The following SEMA5A variants were observed in gnomAD, a reference collection of about 807,000 sequenced individuals.
SEMA5A encodes the protein semaphorin 5A.
Under a neutral mutation model 135.5 loss-of-function variants are expected in SEMA5A, and 55 were observed. The ratio of observed to expected loss-of-function variants is 0.41; its 90% CI spans 0.33 to 0.51. The LOEUF (loss-of-function observed/expected upper bound fraction) is 0.51. Ranked by LOEUF, SEMA5A falls within the 20% of genes least tolerant of loss-of-function variation. The probability of loss-of-function intolerance (pLI) is 0.37; values close to 1 mark genes in which losing one functional copy is unlikely to be tolerated. For missense variants in SEMA5A, 1,290 were observed against 1,419.9 expected (o/e 0.91, Z 1.47); for synonymous variants, 580 against 546.5 (o/e 1.06, Z -0.85).
intron 7 of SEMA5A, among the ~76,000 whole-genome samples, chr5:9,226,460 G>T (rs116818950): frequency 5.9e-5 from 9 of 152,072 alleles, no homozygotes; most frequent in Admixed American, 1.3e-4. Context: ...CCAATTTGTA[G>T]GCTAATTTTT....
intron 10 of SEMA5A, among the ~76,000 whole-genome samples, chr5:9,196,719 C>T (rs1052971954): frequency 6.6e-6 from 1 of 152,198 alleles, no homozygotes; most frequent in African/African-American, 2.4e-5. Flanking sequence ...GCCTGCATCA[C>T]ATTCTGTCCT....
intron 1 of SEMA5A, among the ~76,000 whole-genome samples, chr5:9,452,849 G>T (rs958748972): frequency 6.6e-6 from 1 of 152,126 alleles, no homozygotes; most frequent in Non-Finnish European, 1.5e-5. Flanking sequence ...GCCATCAGGA[G>T]GGCAGGCAAA....
intron 1 of SEMA5A, among the ~76,000 whole-genome samples, chr5:9,483,105 G>A (rs971806208): frequency 6.6e-5 from 10 of 152,112 alleles, no homozygotes; most frequent in African/African-American, 2.4e-4. Flanking sequence ...GAAATTTGCT[G>A]TTCATGGCAT....
intron 5 of SEMA5A, among the ~76,000 whole-genome samples, chr5:9,302,425 C>T (rs1751654517): frequency 6.6e-6 from 1 of 152,194 alleles, no homozygotes; most frequent in African/African-American, 2.4e-5. Context: ...ACAATGACGT[C>T]ATTACAGAAC....
intron 2 of SEMA5A, among the ~76,000 whole-genome samples, chr5:9,423,799 C>T (rs910394152): frequency 2.0e-5 from 3 of 152,202 alleles, no homozygotes; most frequent in Non-Finnish European, 4.4e-5. Flanking sequence ...ATTTTATTAA[C>T]AGCAGGTCAA....
In SEMA5A at chr5:9,497,170, C is replaced by A. The variant is rs75566799; in HGVS notation, c.-175+48414G>T. ...CAGAAACACTTGGGAGCTAGTGAAG[C>A]CACAAAGCTAAGGAGATAATCAGCT... On this transcript the variant is annotated intron_variant, in intron 1 of 22. Coordinates refer to ENST00000382496, the MANE Select transcript of SEMA5A (RefSeq NM_003966.3). Among the ~76,000 whole-genome samples the A allele has an allele frequency of 2.0e-3, 304 of 152,228 alleles. 1 individual carries two copies. The highest frequency in any genetic ancestry group is 7.0e-3 in the African/African-American group (292 of 41,544).
intron 1 of SEMA5A, among the ~76,000 whole-genome samples, chr5:9,503,123 AAGAG>A (rs3842079): frequency 1.3e-5 from 2 of 150,762 alleles, no homozygotes; most frequent in Non-Finnish European, 3.0e-5. Context: ...AATAGCATAA[AAGAG>A]AGAGAGAGAG....
intron 3 of SEMA5A, among the ~76,000 whole-genome samples, chr5:9,359,076 A>G (rs941811514): frequency 6.6e-6 from 1 of 152,070 alleles, no homozygotes; most frequent in Non-Finnish European, 1.5e-5. Flanking sequence ...GATCCTCAGC[A>G]GCAGCACCCA....
intron 5 of SEMA5A, among the ~76,000 whole-genome samples, chr5:9,290,630 A>G (rs992939495): frequency 3.3e-5 from 5 of 152,194 alleles, no homozygotes; most frequent in African/African-American, 1.2e-4. Flanking sequence ...GATCCCTTAT[A>G]TCTTAAAAAA....
At chr5:9,485,306 A>G (rs1052071723) in intron 1 of SEMA5A, among the ~76,000 whole-genome samples, 2 of 152,168 alleles carry the variant, frequency 1.3e-5, no homozygotes, top group African/African-American at 4.8e-5. Flanking sequence ...CAAAACTGAC[A>G]GAAGACAAGG....
At chr5:9,134,811 G>A (rs73049420) in intron 13 of SEMA5A, among the ~76,000 whole-genome samples, 1 of 152,204 alleles carries the variant, frequency 6.6e-6, no homozygotes, top group African/African-American at 2.4e-5. Context: ...TCTGTACTTT[G>A]GAACCACATT....
At chr5:9,300,383 AACACAGAATT>A (rs1751559619) in intron 5 of SEMA5A, among the ~76,000 whole-genome samples, 1 of 152,200 alleles carries the variant, frequency 6.6e-6, no homozygotes, top group African/African-American at 2.4e-5. Context: ...AGTCCCCTAC[AACACAGAATT>A]ATCTGACCTA....
intron 1 of SEMA5A, among the ~76,000 whole-genome samples, chr5:9,520,318 C>A (rs900142907): frequency 6.6e-6 from 1 of 152,310 alleles, no homozygotes; most frequent in South Asian, 2.1e-4. Context: ...AGGTAAACCA[C>A]CAAATACATG....
chr5:9,412,556 G>T (rs1579500128), intron 2 of SEMA5A, among the ~76,000 whole-genome samples: 5 of 122,024 alleles, frequency 4.1e-5, no homozygotes, highest in African/African-American at 9.4e-5. Flanking sequence ...TCTCTTATCT[G>T]AAATGCTTGG....
At chr5:9,398,802 T>A (rs1321950750) in intron 2 of SEMA5A, among the ~76,000 whole-genome samples, 3 of 152,228 alleles carry the variant, frequency 2.0e-5, no homozygotes, top group Non-Finnish European at 1.5e-5. Context: ...TTCGGCAAAG[T>A]GAACCTTCTA....
intron 2 of SEMA5A, among the ~76,000 whole-genome samples, chr5:9,410,769 T>C (rs1483487773): frequency 1.3e-5 from 2 of 151,796 alleles, no homozygotes; most frequent in East Asian, 1.9e-4. Flanking sequence ...CAAAACACCA[T>C]GGCCCACGTA....
chr5:9,159,485 G>A (rs1328019350), intron 11 of SEMA5A, among the ~76,000 whole-genome samples: 1 of 152,118 alleles, frequency 6.6e-6, no homozygotes, highest in African/African-American at 2.4e-5. Context: ...TCAGAGAAGT[G>A]CAAATCGAAA....
At chr5:9,335,621 C>T (rs1377324063) in intron 4 of SEMA5A, among the ~76,000 whole-genome samples, 2 of 152,172 alleles carry the variant, frequency 1.3e-5, no homozygotes, top group African/African-American at 4.8e-5. Context: ...TGTACCTGCC[C>T]CACCCCGGTA....
intron 1 of SEMA5A, among the ~76,000 whole-genome samples, chr5:9,492,352 C>G (rs1735062758): frequency 1.3e-5 from 2 of 152,184 alleles, no homozygotes; most frequent in Non-Finnish European, 2.9e-5. Flanking sequence ...TGCTGAAATT[C>G]ACACAAATGG....
Sources: gnomAD v4.1 joint callset for allele counts (sites outside exome capture counted in the v4.1 genomes callset) on GRCh38, gnomAD v4.1.1 for gene constraint, MANE v1.5 for transcripts, NCBI Gene and HGNC (gene_info 2026-07-23, HGNC 2026-07-21) for gene names.